Variants in PKN2 observed in about 807,000 individuals in gnomAD.
The protein encoded by PKN2 is protein kinase N2, also known as serine/threonine-protein kinase N2.
PKN2 carries 38 observed loss-of-function variants against 119.1 expected under a neutral mutation model. The ratio of observed to expected loss-of-function variants is 0.32; its 90% CI spans 0.25 to 0.42. PKN2 has a LOEUF of 0.42. PKN2 is among the 10% of genes least tolerant of loss of function. PKN2 has a pLI of 1.00. For missense variants in PKN2, 850 were observed against 1,165.1 expected, an observed-to-expected ratio of 0.73 and a Z score of 3.94; for synonymous variants, 390 against 384.9, an observed-to-expected ratio of 1.01 and a Z score of -0.15.
At chr1:88,770,605 A>ATTC (rs1669849813) in intron 4 of PKN2, 136 bp downstream of exon 4, 19 of 561,546 alleles carry the variant, frequency 3.4e-5, no homozygotes, top group Admixed American at 8.6e-5. Flanking sequence ...TTTTTTTTTG[A>ATTC]GACGGAGTCT....
chr1:88,707,323 A>G (rs1478617501), intron 1 of PKN2, among the ~76,000 whole-genome samples: 2 of 152,092 alleles, frequency 1.3e-5, no homozygotes, highest in African/African-American at 2.4e-5. Flanking sequence ...CATTCATTAT[A>G]TTCTTTTACA....
intron 17 of PKN2, 92 bp from the exon 18 acceptor site, chr1:88,824,216 AAC>A (rs1461105541): frequency 2.2e-5 from 14 of 635,480 alleles, no homozygotes; most frequent in Non-Finnish European, 3.9e-5. Flanking sequence ...ATAAAGAGAA[AAC>A]ACAGTTCCAA....
intron 2 of PKN2, among the ~76,000 whole-genome samples, chr1:88,743,059 G>A (rs546030887): frequency 1.3e-5 from 2 of 152,220 alleles, no homozygotes; most frequent in African/African-American, 2.4e-5. Context: ...ACGTGGTGGC[G>A]TGTGCCTGTA....
intron 8 of PKN2, 116 bp downstream of exon 8, chr1:88,786,329 GA>G: frequency 1.9e-6 from 1 of 525,730 alleles, no homozygotes; most frequent in South Asian, 3.3e-5. Context: ...ATAGAACTTA[GA>G]TTTTTTTTTT....
chr1:88,721,405 T>C (rs988221523), intron 1 of PKN2, among the ~76,000 whole-genome samples: 1 of 152,186 alleles, frequency 6.6e-6, no homozygotes, highest in Non-Finnish European at 1.5e-5. Context: ...TATTGGTTAG[T>C]AATAGGTATA....
Position 88,771,869 on chromosome 1 carries a change from A to G in PKN2, c.975A>G (p.Ala325=), listed in dbSNP as rs750739011. The G allele has an allele frequency of 2.5e-6, 4 of 1,609,354 alleles. No homozygotes were observed. The highest frequency in any genetic ancestry group is 2.6e-6 in the Non-Finnish European group (3 of 1,175,850). The change falls in exon 6 of 22, where the codon GCA becomes GCG. Residue 325 remains alanine (A), a synonymous_variant. Transcript: ENST00000370521. ...AATATAGTACACTATCCAAACCAGC[A>G]GCACTAACAGGTATGTAGTGTATAG... The part of the protein sequence containing the change: ...QNQYSTLSKP[A]ALTGTLEVRL...
intron 1 of PKN2, among the ~76,000 whole-genome samples, chr1:88,692,734 A>G (rs1010354471): frequency 1.3e-5 from 2 of 152,068 alleles, no homozygotes; most frequent in African/African-American, 4.8e-5. Flanking sequence ...AGTTCTTTAT[A>G]TTGCTTATGT....
At chr1:88,789,442 C>T (rs1488303110) in intron 8 of PKN2, among the ~76,000 whole-genome samples, 5 of 152,000 alleles carry the variant, frequency 3.3e-5, no homozygotes, top group Non-Finnish European at 7.4e-5. Context: ...GCGGGCGGAT[C>T]TCCTGAGTTC....
At chr1:88,740,209 A>G (rs868084393) in intron 1 of PKN2, among the ~76,000 whole-genome samples, 32 of 152,222 alleles carry the variant, frequency 2.1e-4, no homozygotes, top group Admixed American at 8.5e-4. Context: ...AACCTCCCAC[A>G]CATACCAAAG....
intron 1 of PKN2, among the ~76,000 whole-genome samples, chr1:88,712,391 G>A (rs11803219): frequency 0.067 from 10,176 of 152,122 alleles, 695 homozygotes; most frequent in African/African-American, 0.18. Flanking sequence ...AAACTGAATT[G>A]TAATTTATAT....
At chr1:88,742,712 A>AT (rs537311292) in intron 2 of PKN2, among the ~76,000 whole-genome samples, 197 of 147,364 alleles carry the variant, frequency 1.3e-3, no homozygotes, top group East Asian at 7.5e-3. Flanking sequence ...CAAACTCTAC[A>AT]TTTTTTTTTT....
intron 2 of PKN2, among the ~76,000 whole-genome samples, chr1:88,758,881 A>T (rs1034554534): frequency 1.3e-5 from 2 of 152,154 alleles, no homozygotes; most frequent in Middle Eastern, 3.2e-3. Flanking sequence ...AGAACGATTT[A>T]TATTGCTTTG....
chr1:88,722,092 C>T (rs903946006), intron 1 of PKN2, among the ~76,000 whole-genome samples: 1 of 152,142 alleles, frequency 6.6e-6, no homozygotes, highest in Non-Finnish European at 1.5e-5. Context: ...TAGTACTTGT[C>T]TCATGATAAT....
intron 1 of PKN2, among the ~76,000 whole-genome samples, chr1:88,717,267 T>C (rs1027039663): frequency 1.3e-4 from 20 of 152,150 alleles, no homozygotes; most frequent in African/African-American, 4.1e-4. Context: ...CTGACAATTA[T>C]GTATCTTGGA....
intron 1 of PKN2, among the ~76,000 whole-genome samples, chr1:88,711,913 G>A (rs1478138457): frequency 6.6e-6 from 1 of 152,066 alleles, no homozygotes; most frequent in African/African-American, 2.4e-5. Flanking sequence ...CTTAGTATGT[G>A]TATGTGAGTG....
chr1:88,830,457 C>A, intron 19 of PKN2, among the ~76,000 whole-genome samples: 2 of 152,218 alleles, frequency 1.3e-5, no homozygotes, highest in Middle Eastern at 3.4e-3. Context: ...CACCCCCTTC[C>A]TTTATTTTAA....
At chr1:88,775,920 A>G (rs181368274) in intron 6 of PKN2, among the ~76,000 whole-genome samples, 4 of 152,096 alleles carry the variant, frequency 2.6e-5, no homozygotes, top group East Asian at 1.9e-4. Flanking sequence ...CCTGGCTAAC[A>G]TGGTGAAACC....
At chr1:88,768,882 G>A (rs1432008844) in intron 3 of PKN2, among the ~76,000 whole-genome samples, 1 of 152,168 alleles carries the variant, frequency 6.6e-6, no homozygotes, top group Non-Finnish European at 1.5e-5. Flanking sequence ...TTCTGTTGAG[G>A]GCCTCAGGAA....
intron 3 of PKN2, 127 bp downstream of exon 3, chr1:88,760,503 G>A (rs1669400983): frequency 1.3e-5 from 7 of 534,830 alleles, no homozygotes; most frequent in Admixed American, 6.9e-5. Flanking sequence ...TGGCACTTTG[G>A]CAGTCATTTG....
Sources: gnomAD v4.1 joint callset for allele counts (sites outside exome capture counted in the v4.1 genomes callset) on GRCh38, gnomAD v4.1.1 for gene constraint, MANE v1.5 for transcripts, NCBI Gene and HGNC (gene_info 2026-07-23, HGNC 2026-07-21) for gene names.